ANGPT1: variants seen among roughly 807,000 people sequenced by gnomAD.
ANGPT1 encodes angiopoietin 1.
ANGPT1 carries 17 observed loss-of-function variants against 62.2 expected under a neutral mutation model. The observed-to-expected ratio is 0.27, with a 90% CI of 0.19 to 0.41. The LOEUF is 0.41. Among genes scored for constraint, ANGPT1 ranks in the 10% least tolerant of loss-of-function variants. The pLI is 1.00. For missense variants in ANGPT1, 478 were observed against 594.9 expected, an observed-to-expected ratio of 0.80 and a Z score of 2.04; for synonymous variants, 199 against 198.9, an observed-to-expected ratio of 1.00 and a Z score of 0.00.
intron 4 of ANGPT1, among the ~76,000 whole-genome samples, chr8:107,304,409 T>C (rs545088954): frequency 4.1e-4 from 62 of 151,828 alleles, no homozygotes; most frequent in African/African-American, 1.4e-3. Context: ...ATTAAGACTA[T>C]TTTGTTATCT....
intron 7 of ANGPT1, among the ~76,000 whole-genome samples, chr8:107,268,463 T>A (rs966402273): frequency 3.3e-5 from 5 of 150,472 alleles, no homozygotes; most frequent in African/African-American, 9.8e-5. Context: ...GTCTCTCACA[T>A]CCTTCTTATC....
chr8:107,442,761 A>G (rs1473379552), intron 1 of ANGPT1, among the ~76,000 whole-genome samples: 1 of 152,244 alleles, frequency 6.6e-6, no homozygotes, highest in Non-Finnish European at 1.5e-5. Flanking sequence ...CACAAACTAA[A>G]TCTTACAGTA....
chr8:107,357,357 A>G (rs1372883255), intron 1 of ANGPT1, among the ~76,000 whole-genome samples: 4 of 152,228 alleles, frequency 2.6e-5, no homozygotes, highest in Non-Finnish European at 4.4e-5. Context: ...TAACTAAACA[A>G]GATACTGTTT....
At chr8:107,434,495 A>T (rs1395961864) in intron 1 of ANGPT1, among the ~76,000 whole-genome samples, 1 of 152,206 alleles carries the variant, frequency 6.6e-6, no homozygotes, top group Admixed American at 6.5e-5. Flanking sequence ...CTATTCAGAA[A>T]GTCCAGGGGA....
At chr8:107,333,952 GAAAGA>G (rs1815486719) in intron 3 of ANGPT1, among the ~76,000 whole-genome samples, 1 of 117,016 alleles carries the variant, frequency 8.5e-6, no homozygotes, top group African/African-American at 3.1e-5. Flanking sequence ...GAAAAAGAAA[GAAAGA>G]AAAGAAAGAA....
At chr8:107,300,069 G>T (rs1814547556) in intron 5 of ANGPT1, among the ~76,000 whole-genome samples, 3 of 132,036 alleles carry the variant, frequency 2.3e-5, no homozygotes, top group East Asian at 2.1e-4. Context: ...CTAGATATAG[G>T]TATCTATATC....
rs74364193 is a variant in ANGPT1 at position 107,383,443 on chromosome 8, C to A, written c.298-36346G>T. Among the ~76,000 whole-genome samples, 685 of 152,292 alleles carry A rather than the reference C, an allele frequency of 4.5e-3. 13 individuals carry two copies. In the East Asian group the frequency reaches 0.062, roughly 14 times the overall value. On this transcript the variant is annotated intron_variant, in intron 1 of 8. Transcript: ENST00000517746. Reference sequence around the variant, plus strand: ...CAGCTGTAACTGAGCTTACTCACAACAGGACTTGTTCTTCTTGCACCGAAT... The same window carrying A: ...CAGCTGTAACTGAGCTTACTCACAAAAGGACTTGTTCTTCTTGCACCGAAT...
At chr8:107,279,780 G>A (rs1272633729) in intron 7 of ANGPT1, among the ~76,000 whole-genome samples, 1 of 147,410 alleles carries the variant, frequency 6.8e-6, no homozygotes, top group African/African-American at 2.5e-5. Flanking sequence ...AAGGGGGGGG[G>A]AGAGAGAGAG....
At chr8:107,268,399 T>C (rs1813663400) in intron 7 of ANGPT1, among the ~76,000 whole-genome samples, 2 of 142,248 alleles carry the variant, frequency 1.4e-5, no homozygotes, top group African/African-American at 2.7e-5. Context: ...AAAATACACA[T>C]GTAGGGTTGT....
intron 1 of ANGPT1, among the ~76,000 whole-genome samples, chr8:107,420,283 A>G (rs1375053126): frequency 1.3e-5 from 2 of 152,182 alleles, no homozygotes; most frequent in Non-Finnish European, 2.9e-5. Context: ...CAGCTAAAGG[A>G]GTGAACCTGT....
At chr8:107,262,871 C>G (rs1427705181) in intron 8 of ANGPT1, among the ~76,000 whole-genome samples, 1 of 152,186 alleles carries the variant, frequency 6.6e-6, no homozygotes, top group Non-Finnish European at 1.5e-5. Flanking sequence ...CTTAGTGTTT[C>G]CCAAACTTCA....
intron 1 of ANGPT1, among the ~76,000 whole-genome samples, chr8:107,418,005 T>C (rs547881541): frequency 3.3e-5 from 5 of 152,312 alleles, no homozygotes; most frequent in Non-Finnish European, 5.9e-5. Context: ...ATGTTTATCT[T>C]CTGGTAACAT....
chr8:107,356,827 C>T (rs1253019338), intron 1 of ANGPT1, among the ~76,000 whole-genome samples: 1 of 152,264 alleles, frequency 6.6e-6, no homozygotes, highest in South Asian at 2.1e-4. Flanking sequence ...GCGGCAAGGG[C>T]ACAGCATCAG....
At chr8:107,431,737 T>C in intron 1 of ANGPT1, among the ~76,000 whole-genome samples, 1 of 149,734 alleles carries the variant, frequency 6.7e-6, no homozygotes, top group African/African-American at 2.4e-5. Context: ...ACTCTGTCTT[T>C]TTTTTTTTTA....
intron 1 of ANGPT1, among the ~76,000 whole-genome samples, chr8:107,426,198 C>A (rs531049121): frequency 6.6e-6 from 1 of 152,078 alleles, no homozygotes; most frequent in Non-Finnish European, 1.5e-5. Context: ...GGGGCCTGTG[C>A]GCGTGAGGGA....
At chr8:107,314,116 T>C (rs1295846086) in intron 4 of ANGPT1, among the ~76,000 whole-genome samples, 3 of 152,210 alleles carry the variant, frequency 2.0e-5, no homozygotes, top group Non-Finnish European at 4.4e-5. Flanking sequence ...GACCAGGAAA[T>C]GACTTAATTG....
At chr8:107,439,652 T>C (rs570367894) in intron 1 of ANGPT1, among the ~76,000 whole-genome samples, 1 of 152,332 alleles carries the variant, frequency 6.6e-6, no homozygotes, top group African/African-American at 2.4e-5. Context: ...GTTTGAAATT[T>C]GCATGTAAAA....
chr8:107,354,741 A>T (rs1816005060), intron 1 of ANGPT1, among the ~76,000 whole-genome samples: 1 of 152,156 alleles, frequency 6.6e-6, no homozygotes. Context: ...CCCAGGCACC[A>T]TTCTGTCCCA....
chr8:107,259,264 T>C (rs1239285428), intron 8 of ANGPT1, among the ~76,000 whole-genome samples: 1 of 152,258 alleles, frequency 6.6e-6, no homozygotes, highest in African/African-American at 2.4e-5. Flanking sequence ...ACAATTATAT[T>C]TTCCCAAAGA....
Sources: allele counts gnomAD v4.1 joint callset (sites outside exome capture counted in the v4.1 genomes callset), GRCh38; gene constraint gnomAD v4.1.1; transcripts MANE v1.5; gene names NCBI Gene and HGNC (gene_info 2026-07-23, HGNC 2026-07-21).